TMEM61: variants seen among roughly 807,000 people sequenced by gnomAD.
TMEM61 encodes the protein transmembrane protein 61.
Under a neutral mutation model 12.0 loss-of-function variants are expected in TMEM61, and 13 were observed. The ratio of observed to expected loss-of-function variants is 1.08; its 90% CI spans 0.70 to 1.72. The LOEUF is 1.72. Ranked by LOEUF, TMEM61 falls within the 40% of genes most tolerant of loss-of-function variation. The pLI, the probability that TMEM61 is intolerant of heterozygous loss-of-function variation, is 0.00. For synonymous variants in TMEM61, 109 were observed against 121.4 expected, an observed-to-expected ratio of 0.90 and a Z score of 0.67; for missense variants, 249 against 276.9, an observed-to-expected ratio of 0.90 and a Z score of 0.71.
At chr1:54,987,509 G>A (rs1394344425) in intron 2 of TMEM61, among the ~76,000 whole-genome samples, 1 of 151,866 alleles carries the variant, frequency 6.6e-6, no homozygotes, top group African/African-American at 2.4e-5. Flanking sequence ...ATGTATATCT[G>A]TGCTTTATAC....
intron 2 of TMEM61, among the ~76,000 whole-genome samples, chr1:54,987,242 G>T (rs74072392): frequency 6.6e-6 from 1 of 152,144 alleles, no homozygotes; most frequent in African/African-American, 2.4e-5. Flanking sequence ...GGTACACAGT[G>T]GGTGCACAGC....
At chr1:54,982,307 G>A (rs1322204307) in intron 1 of TMEM61, among the ~76,000 whole-genome samples, 1 of 152,202 alleles carries the variant, frequency 6.6e-6, no homozygotes, top group Admixed American at 6.5e-5. Context: ...CTGGATGTAA[G>A]CAGAGGGCGC....
Position 54,986,597 on chromosome 1 carries a change from T to C in TMEM61, c.365+151T>C, listed in dbSNP as rs549201271. The C allele has an allele frequency of 1.3e-4, 90 of 696,840 alleles. No individual in the cohort carries two copies. In the South Asian group the frequency reaches 1.7e-3, roughly 13 times the overall value. 43.2% of individuals were successfully genotyped at this position (696,840 alleles called of 1,614,324 possible). ...CCCTGTGTCCTGGGTACACGGAAGC[T>C]GATCAGTACAGCCCTGAAGGAGTTT... On this transcript the variant is annotated intron_variant, in intron 2 of 2. Transcript: ENST00000371268.
intron 2 of TMEM61, among the ~76,000 whole-genome samples, chr1:54,990,284 G>A (rs1644286271): frequency 6.6e-6 from 1 of 152,164 alleles, no homozygotes; most frequent in Non-Finnish European, 1.5e-5. Context: ...GCCCTGCCCT[G>A]TACTGACATA....
At chr1:54,988,753 G>A (rs1644276653) in intron 2 of TMEM61, among the ~76,000 whole-genome samples, 1 of 152,240 alleles carries the variant, frequency 6.6e-6, no homozygotes, top group African/African-American at 2.4e-5. Flanking sequence ...ACGTAGGTAT[G>A]CTGGGTGCTA....
rs1464395198 is a variant in TMEM61, at chr1:54,980,992, C to G, written c.-74C>G. On this transcript the variant is annotated 5_prime_UTR_variant, in exon 1 of 3. Coordinates refer to ENST00000371268, the MANE Select transcript of TMEM61 (RefSeq NM_182532.3). The stretch of plus-strand genomic sequence containing the variant: ...CGCTGGTAGGGTCGCTCAGCCCTGG[C>G]GTCCTCCACCACCACACCTTCACCT... The G allele has an allele frequency of 7.4e-6, 11 of 1,488,976 alleles. No individual in the cohort carries two copies. Among genetic ancestry groups the G allele is most frequent in the Non-Finnish European group, 9.9e-6 (11 of 1,110,064 alleles). The allele number at this position is 1,488,976 out of a possible 1,614,324, so 92.2% of individuals were successfully genotyped here.
chr1:54,985,379 G>A (rs1242650126), intron 1 of TMEM61, among the ~76,000 whole-genome samples: 1 of 152,162 alleles, frequency 6.6e-6, no homozygotes, highest in Non-Finnish European at 1.5e-5. Flanking sequence ...TGGGATTACA[G>A]GCATGTGCCG....
At chr1:54,981,816 G>A (rs1644225040) in intron 1 of TMEM61, among the ~76,000 whole-genome samples, 1 of 152,170 alleles carries the variant, frequency 6.6e-6, no homozygotes, top group Non-Finnish European at 1.5e-5. Flanking sequence ...GCAGATGATA[G>A]ATTCAGGCTG....
chr1:54,986,029 AT>A, intron 1 of TMEM61, 67 bp from the exon 2 acceptor site: 1 of 1,402,826 alleles, frequency 7.1e-7, no homozygotes, highest in Non-Finnish European at 9.7e-7. Context: ...AGGCAAAGGA[AT>A]TAACACCTGG....
rs1644257841 is a variant in TMEM61 at position 54,986,217 on chromosome 1, C to A, written c.136C>A (p.Gln46Lys). 6.2e-7 allele frequency: 1 copy of A among 1,613,852 alleles called. No homozygotes were observed. The highest frequency in any genetic ancestry group is 8.5e-7 in the Non-Finnish European group (1 of 1,180,006). ...GTGGAGCGAAGGGGATGCAACCGCC[C>A]AGCCTGGCCAGCTGGCCCCACCCAC... is the stretch of plus-strand genomic sequence containing the variant. ...AWWSEGDATA[Q>K]PGQLAPPTEY... The change falls in exon 2 of 3, where the codon CAG becomes AAG. Residue 46 changes from glutamine (Q) to lysine (K), a missense_variant. By Grantham distance (53) the Gln-to-Lys change is moderately conservative (BLOSUM62 1). Coordinates refer to ENST00000371268, the MANE Select transcript of TMEM61 (RefSeq NM_182532.3).
intron 1 of TMEM61, among the ~76,000 whole-genome samples, chr1:54,984,100 G>A (rs2101632729): frequency 1.3e-5 from 2 of 152,252 alleles, no homozygotes; most frequent in Admixed American, 1.3e-4. Flanking sequence ...TTGGTAACAT[G>A]CCCTTTTGAA....
At chr1:54,982,406 T>C (rs1379536949) in intron 1 of TMEM61, among the ~76,000 whole-genome samples, 1 of 152,102 alleles carries the variant, frequency 6.6e-6, no homozygotes, top group Non-Finnish European at 1.5e-5. Context: ...ATCCCTGACC[T>C]ATAATAATAA....
Position 54,980,961 on chromosome 1 carries a change from G to A in TMEM61, c.-105G>A. On this transcript the variant is annotated 5_prime_UTR_variant, in exon 1 of 3. Coordinates refer to ENST00000371268, the MANE Select transcript of TMEM61 (RefSeq NM_182532.3). ...CACCCGCGCCTCCTGCAGACCCGAG[G>A]GTCGCCGCTGGTAGGGTCGCTCAGC... The A allele has an allele frequency of 2.3e-6, 3 of 1,294,904 alleles. No individual in the cohort carries two copies. Among genetic ancestry groups the A allele is most frequent in the South Asian group, 1.6e-5 (1 of 62,902 alleles). The allele number at this position is 1,294,904 out of a possible 1,614,324, so 80.2% of individuals were successfully genotyped here.
chr1:54,989,245 G>A (rs1333149909), intron 2 of TMEM61, among the ~76,000 whole-genome samples: 2 of 152,222 alleles, frequency 1.3e-5, no homozygotes, highest in Non-Finnish European at 1.5e-5. Flanking sequence ...TTTGCAGTCA[G>A]ACGAAGCTGG....
At chr1:54,982,641 T>G (rs1012101473) in intron 1 of TMEM61, among the ~76,000 whole-genome samples, 1 of 152,116 alleles carries the variant, frequency 6.6e-6, no homozygotes, top group Non-Finnish European at 1.5e-5. Flanking sequence ...GGAGTTAAGC[T>G]GGGAAGGAGG....
chr1:54,985,615 A>G (rs1301538304), intron 1 of TMEM61, among the ~76,000 whole-genome samples: 1 of 151,290 alleles, frequency 6.6e-6, no homozygotes, highest in Non-Finnish European at 1.5e-5. Flanking sequence ...CCTCTTTCAC[A>G]CTTGTTCTGG....
chr1:54,986,380 A>G lies in TMEM61; in HGVS notation c.299A>G (p.Asp100Gly), dbSNP rs199827287. The G allele has an allele frequency of 2.8e-4, 453 of 1,611,682 alleles. No individual in the cohort carries two copies. Among genetic ancestry groups the G allele is most frequent in the Admixed American group, 8.7e-4 (52 of 59,884 alleles). Residue 100 changes from aspartate (D) to glycine (G), a missense_variant, in exon 2 of 3, where the codon GAC becomes GGC. Transcript: ENST00000371268. The part of the protein sequence containing the change: ...KASIPGPPRW[D>G]PYHLSRDLYY... ...AGCATCCCAGGGCCACCTCGATGGG[A>G]CCCCTATCACCTCTCCAGAGACCTG... is the stretch of plus-strand genomic sequence containing the variant.
In TMEM61 at chr1:54,992,143, G is replaced by C; in HGVS notation, c.*40G>C. ...TCCTGAATCCAGAGACAAAAATGCC[G>C]TGCCTTCTCCAGAGTCTTATGCAGT... On this transcript the variant is annotated 3_prime_UTR_variant, in exon 3 of 3. Coordinates refer to ENST00000371268, the MANE Select transcript of TMEM61 (RefSeq NM_182532.3). 1 of 1,589,318 alleles carries C rather than the reference G, an allele frequency of 6.3e-7. No homozygotes were observed. The highest frequency in any genetic ancestry group is 8.5e-7 in the Non-Finnish European group (1 of 1,171,602).
Sources: gnomAD v4.1 joint callset for allele counts (sites outside exome capture counted in the v4.1 genomes callset) on GRCh38, gnomAD v4.1.1 for gene constraint, MANE v1.5 for transcripts, NCBI Gene and HGNC (gene_info 2026-07-23, HGNC 2026-07-21) for gene names.